TEX9: variants seen among roughly 807,000 people sequenced by gnomAD.
TEX9 encodes the protein testis-expressed protein 9.
In TEX9, 74 loss-of-function variants were observed where a neutral mutation model predicts 59.6. The observed-to-expected ratio is 1.24, with a 90% confidence interval of 1.03 to 1.51. The LOEUF (loss-of-function observed/expected upper bound fraction) is 1.51, where lower values mean the gene tolerates loss of function less well. Ranked by LOEUF, TEX9 falls within the 40% of genes most tolerant of loss-of-function variation. TEX9 has a pLI of 0.00. For missense variants in TEX9, 522 were observed against 447.8 expected, an observed-to-expected ratio of 1.17 and a Z score of -1.49; for synonymous variants, 186 against 152.2, an observed-to-expected ratio of 1.22 and a Z score of -1.64.
intron 10 of TEX9, among the ~76,000 whole-genome samples, chr15:56,413,212 ATTAAATAATTTAATTTATTTAATAC>A (rs777420313): frequency 4.1e-5 from 6 of 146,692 alleles, no homozygotes; most frequent in South Asian, 2.1e-4. Flanking sequence ...ATATTTAATA[ATTAAATAATTTAATTTATTTAATAC>A]TTAAATAATT....
At chr15:56,383,801 T>C (rs758778864) in intron 3 of TEX9, 151 bp from the exon 4 acceptor site, 7 of 542,148 alleles carry the variant, frequency 1.3e-5, no homozygotes, top group Non-Finnish European at 2.0e-5. Context: ...AGACCTTATC[T>C]TCATACTATA....
intron 1 of TEX9, among the ~76,000 whole-genome samples, chr15:56,349,340 A>G (rs2718912): frequency 0.011 from 1,701 of 152,276 alleles, 28 homozygotes; most frequent in African/African-American, 0.039. Flanking sequence ...TCTAATATTG[A>G]TCATTAATTG....
intron 6 of TEX9, among the ~76,000 whole-genome samples, chr15:56,390,501 T>C (rs544259571): frequency 2.5e-4 from 38 of 152,136 alleles, no homozygotes; most frequent in African/African-American, 8.9e-4. Flanking sequence ...TTAAAATGAA[T>C]TGTGAAGCCT....
intron 10 of TEX9, among the ~76,000 whole-genome samples, chr15:56,419,610 C>T (rs1198315249): frequency 1.3e-5 from 2 of 151,742 alleles, no homozygotes; most frequent in Admixed American, 1.3e-4. Flanking sequence ...GTCATTATCT[C>T]TTTTATATAT....
chr15:56,326,818 C>G (rs1416371306), intron 1 of TEX9, among the ~76,000 whole-genome samples: 1 of 152,098 alleles, frequency 6.6e-6, no homozygotes, highest in Non-Finnish European at 1.5e-5. Flanking sequence ...TTCCACAAAT[C>G]TGGAATAAAA....
chr15:56,411,535 C>G (rs1358243616), intron 9 of TEX9, among the ~76,000 whole-genome samples: 1 of 151,634 alleles, frequency 6.6e-6, no homozygotes, highest in African/African-American at 2.4e-5. Context: ...AATGAGTGGG[C>G]AGAGATCAGG....
intron 9 of TEX9, among the ~76,000 whole-genome samples, chr15:56,399,904 C>T (rs1244012355): frequency 6.6e-6 from 1 of 152,126 alleles, no homozygotes; most frequent in Non-Finnish European, 1.5e-5. Context: ...CTAACTGTTA[C>T]AGGGAAAGCT....
chr15:56,360,468 C>T (rs1424554604), upstream of TEX9, among the ~76,000 whole-genome samples: 2 of 152,160 alleles, frequency 1.3e-5, no homozygotes, highest in Non-Finnish European at 2.9e-5. Flanking sequence ...TGGTCCATTT[C>T]ATCTAATTTA....
At chr15:56,389,426 C>CTT in intron 6 of TEX9, 26 bp downstream of exon 6, 1 of 1,499,460 alleles carries the variant, frequency 6.7e-7, no homozygotes. Context: ...CAAAGTATTT[C>CTT]TTTTTTTTTA....
intron 1 of TEX9, among the ~76,000 whole-genome samples, chr15:56,351,405 T>C (rs576324746): frequency 4.1e-4 from 63 of 152,336 alleles, no homozygotes; most frequent in African/African-American, 1.5e-3. Context: ...GAAGATATCT[T>C]ATTGCAAGTA....
chr15:56,390,345 T>C (rs1272785106), intron 6 of TEX9, among the ~76,000 whole-genome samples: 3 of 151,610 alleles, frequency 2.0e-5, no homozygotes, highest in African/African-American at 7.3e-5. Context: ...AAATAAAGAG[T>C]GTAATTAGAT....
At chr15:56,368,178 G>A (rs1032039440) in intron 2 of TEX9, among the ~76,000 whole-genome samples, 2 of 152,026 alleles carry the variant, frequency 1.3e-5, no homozygotes, top group Admixed American at 6.6e-5. Context: ...TTCCTAATTT[G>A]AATGAGTGTT....
chr15:56,267,167 G>A (rs1479178788), intron 1 of TEX9, among the ~76,000 whole-genome samples: 1 of 152,126 alleles, frequency 6.6e-6, no homozygotes, highest in Admixed American at 6.5e-5. Flanking sequence ...AGTTTTTGAT[G>A]GGGTTGTTTG....
chr15:56,281,325 C>T (rs1478352450), intron 1 of TEX9, among the ~76,000 whole-genome samples: 5 of 152,212 alleles, frequency 3.3e-5, no homozygotes, highest in Non-Finnish European at 7.3e-5. Flanking sequence ...GGGTACTGAT[C>T]ATGGTCTGTT....
At chr15:56,436,624 G>A (rs371281841) in intron 12 of TEX9, among the ~76,000 whole-genome samples, 86 of 152,126 alleles carry the variant, frequency 5.7e-4, no homozygotes, top group African/African-American at 1.9e-3. Flanking sequence ...AACTGAAGGA[G>A]ATAGAGACAC....
At chr15:56,249,672 G>A (rs1426705520) in intron 1 of TEX9, among the ~76,000 whole-genome samples, 3 of 149,644 alleles carry the variant, frequency 2.0e-5, no homozygotes, top group African/African-American at 7.4e-5. Flanking sequence ...GAATCAGGGA[G>A]GTGGAGGTTG....
chr15:56,317,596 T>C (rs2045806141), intron 1 of TEX9, among the ~76,000 whole-genome samples: 1 of 152,200 alleles, frequency 6.6e-6, no homozygotes, highest in South Asian at 2.1e-4. Context: ...CTATCCTTTT[T>C]CTAGTTTATT....
chr15:56,368,024 C>CTAA (rs2047024124), intron 2 of TEX9, among the ~76,000 whole-genome samples: 1 of 152,020 alleles, frequency 6.6e-6, no homozygotes, highest in Non-Finnish European at 1.5e-5. Context: ...TTAGGACTTC[C>CTAA]CGTGTGATAT....
intron 1 of TEX9, among the ~76,000 whole-genome samples, chr15:56,358,479 C>T (rs933581122): frequency 2.0e-5 from 3 of 151,574 alleles, no homozygotes; most frequent in African/African-American, 4.8e-5. Flanking sequence ...TTTACATTTG[C>T]AGAAAAACTG....
Sources: allele counts gnomAD v4.1 joint callset (sites outside exome capture counted in the v4.1 genomes callset), GRCh38; gene constraint gnomAD v4.1.1; transcripts MANE v1.5; gene names NCBI Gene and HGNC (gene_info 2026-07-23, HGNC 2026-07-21).